The following COL8A1 variants were observed in gnomAD, a reference collection of about 807,000 sequenced individuals.
The protein encoded by COL8A1 is collagen alpha-1(VIII) chain.
In COL8A1, 21 loss-of-function variants were observed where a neutral mutation model predicts 42.7. The observed-to-expected ratio is 0.49, with a 90% CI of 0.35 to 0.71. The LOEUF (loss-of-function observed/expected upper bound fraction) is 0.71. COL8A1 is among the 30% of genes least tolerant of loss of function. The pLI is 0.01. For synonymous variants in COL8A1, 367 were observed against 369.1 expected (o/e 0.99, Z 0.06); for missense variants, 788 against 962.4 (o/e 0.82, Z 2.40).
chr3:99,670,223 G>A (rs1295043671), intron 1 of COL8A1, among the ~76,000 whole-genome samples: 1 of 151,990 alleles, frequency 6.6e-6, no homozygotes, highest in Non-Finnish European at 1.5e-5. Context: ...GAACCATTAT[G>A]GGAAGTTTTT....
intron 1 of COL8A1, among the ~76,000 whole-genome samples, chr3:99,698,304 T>A (rs1233745082): frequency 6.6e-6 from 1 of 152,250 alleles, no homozygotes; most frequent in Non-Finnish European, 1.5e-5. Context: ...TATAGCAGCA[T>A]GATTTATAAT....
chr3:99,653,940 C>T (rs1286194768), intron 1 of COL8A1, among the ~76,000 whole-genome samples: 1 of 151,870 alleles, frequency 6.6e-6, no homozygotes, highest in Non-Finnish European at 1.5e-5. Context: ...AGGTGAAGTC[C>T]CCCAATAGGC....
intron 1 of COL8A1, among the ~76,000 whole-genome samples, chr3:99,661,103 T>C (rs1938189620): frequency 6.6e-6 from 1 of 152,176 alleles, no homozygotes; most frequent in Non-Finnish European, 1.5e-5. Context: ...GATGAATATG[T>C]ATGTCTTAGG....
chr3:99,677,251 T>C (rs1004953510), intron 1 of COL8A1, among the ~76,000 whole-genome samples: 5 of 152,102 alleles, frequency 3.3e-5, no homozygotes, highest in Admixed American at 2.0e-4. Context: ...ATGTGACAGG[T>C]GCTTGAAAAT....
chr3:99,654,850 T>C (rs1937964305), intron 1 of COL8A1, among the ~76,000 whole-genome samples: 2 of 152,078 alleles, frequency 1.3e-5, no homozygotes, highest in Non-Finnish European at 2.9e-5. Flanking sequence ...GATATTTTAG[T>C]TCATAAAAAC....
intron 2 of COL8A1, among the ~76,000 whole-genome samples, chr3:99,762,054 T>C (rs548881716): frequency 5.3e-5 from 8 of 152,344 alleles, no homozygotes; most frequent in Non-Finnish European, 7.3e-5. Flanking sequence ...TGCTTTTTCT[T>C]CTAGTGAAAC....
intron 1 of COL8A1, among the ~76,000 whole-genome samples, chr3:99,645,604 G>A (rs1175742034): frequency 6.6e-6 from 1 of 151,624 alleles, no homozygotes; most frequent in African/African-American, 2.4e-5. Flanking sequence ...TTAGATTTAA[G>A]TTTTTCGGAT....
intron 1 of COL8A1, among the ~76,000 whole-genome samples, chr3:99,712,106 G>A (rs1000525000): frequency 6.6e-6 from 1 of 152,088 alleles, no homozygotes; most frequent in Non-Finnish European, 1.5e-5. Flanking sequence ...GAAATTGAAA[G>A]GTTTTAAAAG....
intron 1 of COL8A1, among the ~76,000 whole-genome samples, chr3:99,737,845 C>T (rs1330457147): frequency 6.6e-6 from 1 of 151,810 alleles, no homozygotes; most frequent in Non-Finnish European, 1.5e-5. Flanking sequence ...CCATTCTCCC[C>T]ATCACTTTCA....
intron 2 of COL8A1, among the ~76,000 whole-genome samples, chr3:99,750,181 T>A (rs979353258): frequency 2.7e-5 from 4 of 149,424 alleles, no homozygotes; most frequent in Non-Finnish European, 4.4e-5. Flanking sequence ...CTCAGCCTCC[T>A]GAGTAGCTGG....
chr3:99,734,787 G>A (rs1326385630), intron 1 of COL8A1, among the ~76,000 whole-genome samples: 1 of 152,034 alleles, frequency 6.6e-6, no homozygotes, highest in Non-Finnish European at 1.5e-5. Flanking sequence ...CATGAGCATG[G>A]AATGTTCTTC....
chr3:99,758,704 A>G (rs184907760), intron 2 of COL8A1, among the ~76,000 whole-genome samples: 1 of 152,328 alleles, frequency 6.6e-6, no homozygotes, highest in East Asian at 1.9e-4. Context: ...GCAAGTGAGT[A>G]AGATACAAGT....
chr3:99,677,436 A>G (rs1938733731), intron 1 of COL8A1, among the ~76,000 whole-genome samples: 1 of 152,132 alleles, frequency 6.6e-6, no homozygotes, highest in African/African-American at 2.4e-5. Context: ...CCTTCAGGAA[A>G]CTTTCCACAG....
intron 2 of COL8A1, among the ~76,000 whole-genome samples, chr3:99,753,741 A>G (rs756075888): frequency 6.6e-6 from 1 of 152,238 alleles, no homozygotes; most frequent in Admixed American, 6.5e-5. Flanking sequence ...TCTCAGTACT[A>G]TGAAAATAAA....
At chr3:99,663,151 G>T (rs2107303678) in intron 1 of COL8A1, among the ~76,000 whole-genome samples, 1 of 152,236 alleles carries the variant, frequency 6.6e-6, no homozygotes, top group Non-Finnish European at 1.5e-5. Flanking sequence ...AAAAAATAAT[G>T]TTTTTAAATT....
chr3:99,716,541 TAAG>T (rs964562957), intron 1 of COL8A1, among the ~76,000 whole-genome samples: 2 of 152,020 alleles, frequency 1.3e-5, no homozygotes, highest in African/African-American at 4.8e-5. Flanking sequence ...TATTAAATAA[TAAG>T]AATTTCAATC....
At chr3:99,774,336 G>A (rs140766065) in intron 2 of COL8A1, among the ~76,000 whole-genome samples, 1 of 151,722 alleles carries the variant, frequency 6.6e-6, no homozygotes, top group African/African-American at 2.4e-5. Flanking sequence ...GAGTTCTTAT[G>A]AATAACTCAT....
intron 3 of COL8A1, among the ~76,000 whole-genome samples, chr3:99,793,794 C>G (rs1377149677): frequency 6.6e-6 from 1 of 152,130 alleles, no homozygotes; most frequent in Non-Finnish European, 1.5e-5. Flanking sequence ...CTCTTTCACC[C>G]AGGCTGGAGT....
chr3:99,644,456 G>C (rs915556539), intron 1 of COL8A1, among the ~76,000 whole-genome samples: 35 of 152,300 alleles, frequency 2.3e-4, no homozygotes, highest in African/African-American at 7.5e-4. Flanking sequence ...ACGAAGGCAG[G>C]AAAGAATATT....
Sources: gnomAD v4.1 joint callset for allele counts (sites outside exome capture counted in the v4.1 genomes callset) on GRCh38, gnomAD v4.1.1 for gene constraint, MANE v1.5 for transcripts, NCBI Gene and HGNC (gene_info 2026-07-23, HGNC 2026-07-21) for gene names.